PTPRG: variants seen among roughly 807,000 people sequenced by gnomAD.
PTPRG encodes receptor-type tyrosine-protein phosphatase gamma.
Under a neutral mutation model 165.3 loss-of-function variants are expected in PTPRG, and 102 were observed. The ratio of observed to expected loss-of-function variants is 0.62; its 90% CI spans 0.53 to 0.73. The LOEUF is 0.73. PTPRG is among the 30% of genes least tolerant of loss of function. The pLI is 0.00. For synonymous variants in PTPRG, 675 were observed against 669.5 expected, an observed-to-expected ratio of 1.01 and a Z score of -0.13; for missense variants, 1,866 against 1,861.4, an observed-to-expected ratio of 1.00 and a Z score of -0.05.
rs1446435610 is a variant in PTPRG at position 62,218,927 on chromosome 3, A to G, written c.2232A>G (p.Val744=). The change falls in exon 13 of 30, where the codon GTA becomes GTG. Residue 744 remains valine, a synonymous_variant. Coordinates refer to ENST00000474889, the MANE Select transcript of PTPRG (RefSeq NM_002841.4). ...RMEWIIPLIV[V]SALTFVCLIL... ...AGTGGATCATCCCTCTGATTGTGGT[A>G]TCAGCCTTGACCTTCGTGTGCCTCA... The G allele has an allele frequency of 6.2e-7, 1 of 1,614,166 alleles. No homozygotes were observed. The highest frequency in any genetic ancestry group is 1.3e-5 in the African/African-American group (1 of 75,056).
At chr3:61,961,710 G>A (rs1258674277) in intron 2 of PTPRG, among the ~76,000 whole-genome samples, 3 of 152,198 alleles carry the variant, frequency 2.0e-5, no homozygotes, top group Non-Finnish European at 4.4e-5. Flanking sequence ...GAACTGAGTG[G>A]AAGCTGCTTT....
chr3:61,885,683 T>A (rs796343897), intron 2 of PTPRG, among the ~76,000 whole-genome samples: 83 of 101,862 alleles, frequency 8.1e-4, no homozygotes, highest in African/African-American at 2.6e-3. Flanking sequence ...TCTCCTCTCC[T>A]CTCCTCTCCT....
chr3:61,867,502 T>G (rs2037444611), intron 2 of PTPRG, among the ~76,000 whole-genome samples: 1 of 152,168 alleles, frequency 6.6e-6, no homozygotes, highest in East Asian at 1.9e-4. Flanking sequence ...TCATTGCTTT[T>G]TTTGAGGCAT....
At chr3:62,109,500 C>T (rs1332731789) in intron 5 of PTPRG, among the ~76,000 whole-genome samples, 1 of 152,108 alleles carries the variant, frequency 6.6e-6, no homozygotes, top group South Asian at 2.1e-4. Context: ...CTTTGTTCTT[C>T]TTGCCCAGGA....
At chr3:61,659,068 C>G (rs1041514381) in intron 1 of PTPRG, among the ~76,000 whole-genome samples, 1 of 151,996 alleles carries the variant, frequency 6.6e-6, no homozygotes, top group East Asian at 1.9e-4. Context: ...TGCCCCTGTT[C>G]CCCTTTTTGG....
chr3:62,067,652 C>G (rs1399963048), intron 4 of PTPRG, among the ~76,000 whole-genome samples: 1 of 152,278 alleles, frequency 6.6e-6, no homozygotes, highest in Middle Eastern at 3.4e-3. Context: ...GACAGATCAT[C>G]AGGCATTAGA....
intron 13 of PTPRG, among the ~76,000 whole-genome samples, chr3:62,227,017 G>C (rs749740494): frequency 2.0e-5 from 3 of 152,068 alleles, no homozygotes; most frequent in Admixed American, 6.6e-5. Context: ...AAATATGAAG[G>C]GATGCAAACC....
At chr3:61,723,270 T>C (rs1356669035) in intron 1 of PTPRG, among the ~76,000 whole-genome samples, 1 of 152,196 alleles carries the variant, frequency 6.6e-6, no homozygotes, top group East Asian at 1.9e-4. Context: ...TTTTCTATTT[T>C]TTTTTCTTTT....
intron 2 of PTPRG, among the ~76,000 whole-genome samples, chr3:61,755,058 C>T (rs637595): frequency 0.39 from 58,356 of 151,402 alleles, 11,481 homozygotes; most frequent in Non-Finnish European, 0.43. Flanking sequence ...CTGCAACCTC[C>T]GCCTGTCGCC....
Position 61,992,159 on chromosome 3 carries a change from G to T in PTPRG, c.370+2355G>T, listed in dbSNP as rs1242420245. 2.0e-5 allele frequency among the ~76,000 whole-genome samples: 3 copies of T among 152,032 alleles called. No individual in the cohort carries two copies. The East Asian group carries it at 5.8e-4, about 29-fold the overall frequency. ...ATAATATTAGATAGGCCAATATATTGTAAATACTCTAAGATGATTCTGTAG... is the reference window on the plus strand; with the variant it reads ...ATAATATTAGATAGGCCAATATATTTTAAATACTCTAAGATGATTCTGTAG... On this transcript the variant is annotated intron_variant, in intron 3 of 29. Coordinates refer to ENST00000474889, the MANE Select transcript of PTPRG (RefSeq NM_002841.4).
intron 2 of PTPRG, among the ~76,000 whole-genome samples, chr3:61,957,305 C>A (rs183861728): frequency 6.6e-6 from 1 of 152,146 alleles, no homozygotes; most frequent in Non-Finnish European, 1.5e-5. Context: ...AACAGTGAGA[C>A]CACAGTGAAT....
intron 6 of PTPRG, among the ~76,000 whole-genome samples, chr3:62,141,363 G>A (rs1258799901): frequency 7.3e-6 from 1 of 137,722 alleles, no homozygotes; most frequent in Non-Finnish European, 1.7e-5. Context: ...CAACTTTGGA[G>A]CCGAGGCAGG....
chr3:62,030,351 A>G (rs1460022671), intron 4 of PTPRG, among the ~76,000 whole-genome samples: 2 of 152,304 alleles, frequency 1.3e-5, no homozygotes, highest in East Asian at 3.9e-4. Context: ...CCTCATGAAA[A>G]CAGTCTAATT....
At chr3:61,783,407 A>G (rs1286361695) in intron 2 of PTPRG, among the ~76,000 whole-genome samples, 2 of 152,194 alleles carry the variant, frequency 1.3e-5, no homozygotes, top group Non-Finnish European at 2.9e-5. Context: ...AAATACTTAA[A>G]GAGTGTTCAT....
chr3:62,062,126 C>T (rs1285988956), intron 4 of PTPRG, among the ~76,000 whole-genome samples: 3 of 151,726 alleles, frequency 2.0e-5, no homozygotes, highest in Non-Finnish European at 4.4e-5. Flanking sequence ...ATGGAGAAAC[C>T]CCATCTCTAC....
intron 4 of PTPRG, among the ~76,000 whole-genome samples, chr3:62,005,793 C>T (rs2041284432): frequency 7.0e-6 from 1 of 143,606 alleles, no homozygotes; most frequent in Admixed American, 7.3e-5. Context: ...ATCTCCGCCT[C>T]CTGGGTTCAA....
chr3:61,866,232 A>T (rs1488646292), intron 2 of PTPRG, among the ~76,000 whole-genome samples: 2 of 152,162 alleles, frequency 1.3e-5, no homozygotes, highest in African/African-American at 4.8e-5. Context: ...ATTTTATTAT[A>T]TTACGCTGCA....
At chr3:61,844,272 GTC>G (rs2036740896) in intron 2 of PTPRG, among the ~76,000 whole-genome samples, 3 of 152,066 alleles carry the variant, frequency 2.0e-5, no homozygotes, top group Admixed American at 2.0e-4. Flanking sequence ...CTGAAAAAAA[GTC>G]TGTTTTTATA....
chr3:61,915,601 C>T (rs570371522), intron 2 of PTPRG, among the ~76,000 whole-genome samples: 16 of 152,244 alleles, frequency 1.1e-4, no homozygotes, highest in African/African-American at 3.6e-4. Context: ...GTTTGTAAAT[C>T]CTTGTTCAGA....
Sources: gnomAD v4.1 joint callset for allele counts (sites outside exome capture counted in the v4.1 genomes callset) on GRCh38, gnomAD v4.1.1 for gene constraint, MANE v1.5 for transcripts, NCBI Gene and HGNC (gene_info 2026-07-23, HGNC 2026-07-21) for gene names.